Variants in SNTG1 observed in about 807,000 individuals in gnomAD.
SNTG1 encodes gamma-1-syntrophin.
In SNTG1, 39 loss-of-function variants were observed where a neutral mutation model predicts 74.7. The ratio of observed to expected loss-of-function variants is 0.52; its 90% confidence interval spans 0.40 to 0.68. The LOEUF (loss-of-function observed/expected upper bound fraction) is 0.68, where lower values mean the gene tolerates loss of function less well. Among genes scored for constraint, SNTG1 ranks in the 30% least tolerant of loss-of-function variants. The pLI is 0.00. For synonymous variants in SNTG1, 254 were observed against 217.1 expected (o/e 1.17, Z -1.49); for missense variants, 685 against 609.5 (o/e 1.12, Z -1.30).
intron 2 of SNTG1, among the ~76,000 whole-genome samples, chr8:50,317,561 GA>G (rs1023204108): frequency 1.3e-5 from 2 of 152,168 alleles, no homozygotes; most frequent in African/African-American, 4.8e-5. Flanking sequence ...GATGGTGTAT[GA>G]AACGTGTTAG....
intron 1 of SNTG1, among the ~76,000 whole-genome samples, chr8:49,970,227 G>A (rs1403336988): frequency 1.3e-5 from 2 of 152,026 alleles, no homozygotes; most frequent in Non-Finnish European, 2.9e-5. Context: ...GAGGTGCTAC[G>A]AGATCATCAC....
At chr8:49,974,296 C>T (rs1563417333) in intron 1 of SNTG1, among the ~76,000 whole-genome samples, 1 of 152,190 alleles carries the variant, frequency 6.6e-6, no homozygotes, top group East Asian at 1.9e-4. Flanking sequence ...TTGATGAGCG[C>T]CAATACCTTC....
chr8:50,034,328 G>T (rs1481734181), intron 1 of SNTG1, among the ~76,000 whole-genome samples: 4 of 152,198 alleles, frequency 2.6e-5, no homozygotes, highest in African/African-American at 7.2e-5. Context: ...AAGAGATGAT[G>T]CAACATTGGT....
At chr8:50,092,627 G>A (rs1160412668) in intron 1 of SNTG1, among the ~76,000 whole-genome samples, 3 of 152,116 alleles carry the variant, frequency 2.0e-5, no homozygotes, top group African/African-American at 7.2e-5. Flanking sequence ...TCTTCACTCA[G>A]AGTCAGCCTT....
At chr8:50,051,059 A>C (rs1169616797) in intron 1 of SNTG1, among the ~76,000 whole-genome samples, 2 of 152,080 alleles carry the variant, frequency 1.3e-5, no homozygotes, top group East Asian at 3.8e-4. Flanking sequence ...GAAAGATTGA[A>C]TACTTTCCCC....
intron 2 of SNTG1, among the ~76,000 whole-genome samples, chr8:50,257,980 G>T (rs1164193934): frequency 1.3e-5 from 2 of 152,206 alleles, no homozygotes; most frequent in Non-Finnish European, 2.9e-5. Context: ...ACAGTCAAAG[G>T]AAATCTGGAA....
At chr8:50,325,025 G>T (rs1179998318) in intron 2 of SNTG1, among the ~76,000 whole-genome samples, 2 of 141,350 alleles carry the variant, frequency 1.4e-5, no homozygotes, top group Admixed American at 1.5e-4. Flanking sequence ...CACAGACACA[G>T]ATAGATCAAT....
At chr8:50,687,038 G>A (rs2095355333) in intron 15 of SNTG1, among the ~76,000 whole-genome samples, 1 of 151,380 alleles carries the variant, frequency 6.6e-6, no homozygotes, top group Non-Finnish European at 1.5e-5. Flanking sequence ...GGGAGGCTGA[G>A]GCAGGAGAAT....
chr8:50,352,286 T>C (rs986574753), intron 2 of SNTG1, among the ~76,000 whole-genome samples: 2 of 152,198 alleles, frequency 1.3e-5, no homozygotes, highest in Non-Finnish European at 2.9e-5. Flanking sequence ...TTTAATTGAT[T>C]CTTGAGGAAG....
At chr8:50,678,020 A>G (rs1257474334) in intron 15 of SNTG1, among the ~76,000 whole-genome samples, 3 of 152,046 alleles carry the variant, frequency 2.0e-5, no homozygotes, top group African/African-American at 7.2e-5. Context: ...ACTGATCAAT[A>G]GGTGCAGCAA....
At chr8:50,397,897 T>G (rs1186520881) in intron 3 of SNTG1, among the ~76,000 whole-genome samples, 1 of 152,188 alleles carries the variant, frequency 6.6e-6, no homozygotes, top group Non-Finnish European at 1.5e-5. Context: ...TAATTTTTGT[T>G]AAGGGAGAAA....
chr8:50,445,550 T>C (rs1048619025), intron 5 of SNTG1, among the ~76,000 whole-genome samples: 7 of 152,178 alleles, frequency 4.6e-5, no homozygotes, highest in Non-Finnish European at 8.8e-5. Flanking sequence ...TTAGATGGAA[T>C]TATACATCCT....
At chr8:50,579,898 G>C (rs1429292346) in intron 12 of SNTG1, among the ~76,000 whole-genome samples, 1 of 152,138 alleles carries the variant, frequency 6.6e-6, no homozygotes, top group East Asian at 1.9e-4. Context: ...AGAAATGTGG[G>C]GTAGGCACTG....
At chr8:50,750,946 T>G (rs1311951282) in intron 17 of SNTG1, among the ~76,000 whole-genome samples, 2 of 151,972 alleles carry the variant, frequency 1.3e-5, no homozygotes, top group Non-Finnish European at 2.9e-5. Context: ...ATCTATCACA[T>G]TTTATTCTGA....
chr8:50,103,605 G>A (rs997740621), intron 1 of SNTG1, among the ~76,000 whole-genome samples: 1 of 152,156 alleles, frequency 6.6e-6, no homozygotes, highest in African/African-American at 2.4e-5. Context: ...ATGTTGAATA[G>A]GAGTGGTGAG....
At chr8:50,102,504 T>C (rs1426000505) in intron 1 of SNTG1, among the ~76,000 whole-genome samples, 1 of 144,980 alleles carries the variant, frequency 6.9e-6, no homozygotes, top group Admixed American at 6.9e-5. Flanking sequence ...TCCCATTTTG[T>C]AGGTTGCCTG....
intron 2 of SNTG1, among the ~76,000 whole-genome samples, chr8:50,319,343 G>A (rs1317903251): frequency 6.7e-6 from 1 of 150,078 alleles, no homozygotes; most frequent in Non-Finnish European, 1.5e-5. Context: ...CAGCCTGGGG[G>A]ACAAAGCAAG....
chr8:50,526,693 A>G (rs1270547264), intron 9 of SNTG1, among the ~76,000 whole-genome samples: 1 of 151,812 alleles, frequency 6.6e-6, no homozygotes, highest in Non-Finnish European at 1.5e-5. Context: ...CCCTGTTGCC[A>G]GGCTCATTGC....
intron 1 of SNTG1, among the ~76,000 whole-genome samples, chr8:50,074,713 T>A (rs1444935572): frequency 6.6e-6 from 1 of 152,180 alleles, no homozygotes; most frequent in Non-Finnish European, 1.5e-5. Context: ...CTGGCAGCCC[T>A]TGCTCACTCT....
Sources: gnomAD v4.1 joint callset for allele counts (sites outside exome capture counted in the v4.1 genomes callset) on GRCh38, gnomAD v4.1.1 for gene constraint, MANE v1.5 for transcripts, NCBI Gene and HGNC (gene_info 2026-07-23, HGNC 2026-07-21) for gene names.